GALC: variants seen among roughly 807,000 people sequenced by gnomAD.
GALC encodes the protein galactocerebrosidase.
In GALC, 77 loss-of-function variants were observed where a neutral mutation model predicts 91.8. The observed-to-expected ratio is 0.84, with a 90% CI of 0.70 to 1.01. The LOEUF is 1.01. Among genes scored for constraint, GALC ranks in the 50% least tolerant of loss-of-function variants. GALC has a pLI of 0.00. For synonymous variants in GALC, 357 were observed against 306.7 expected, an observed-to-expected ratio of 1.16 and a Z score of -1.71; for missense variants, 882 against 855.9, an observed-to-expected ratio of 1.03 and a Z score of -0.38.
chr14:87,988,578 T>G (rs1887068379), intron 1 of GALC, 55 bp from the exon 2 acceptor site: 1 of 1,247,846 alleles, frequency 8.0e-7, no homozygotes, highest in Non-Finnish European at 1.2e-6. Context: ...CATGAATATC[T>G]GTCTACAGTG....
chr14:87,954,671 A>C lies in GALC; in HGVS notation c.1162-3923T>G, dbSNP rs1885446922. 4 of 1,567,602 alleles carry C rather than the reference A, an allele frequency of 2.6e-6. No individual in the cohort carries two copies. The South Asian group carries it at 3.3e-5, about 13-fold the overall frequency. Reference sequence around the variant, plus strand: ...TAAATGTTCAGGAGTGGTTCTAATTAAAGCCCAGATTTCAGAGCTGTCATT... The same window carrying C: ...TAAATGTTCAGGAGTGGTTCTAATTCAAGCCCAGATTTCAGAGCTGTCATT... On this transcript the variant is annotated intron_variant, in intron 10 of 16. Transcript: ENST00000261304.
At chr14:87,984,649 T>C (rs1886896454) in intron 4 of GALC, 116 bp from the exon 5 acceptor site, 1 of 996,750 alleles carries the variant, frequency 1.0e-6, no homozygotes, top group Non-Finnish European at 1.5e-6. Context: ...CCAATACAGA[T>C]CTGACTAAAG....
chr14:87,941,389 A>G lies in GALC; in HGVS notation c.1834+6T>C. 4 of 1,555,660 alleles carry G rather than the reference A, an allele frequency of 2.6e-6. No homozygotes were observed. Among genetic ancestry groups the G allele is most frequent in the Non-Finnish European group, 3.5e-6 (4 of 1,141,774 alleles). Reference sequence around the variant, plus strand: ...TATGCTATTAAAAAAAAAAAAAGTCAGTTACCTAAATCACCTGTAACCCTG... The same window carrying G: ...TATGCTATTAAAAAAAAAAAAAGTCGGTTACCTAAATCACCTGTAACCCTG... On this transcript the variant is annotated splice_donor_region_variant and intron_variant, in intron 15 of 16. Coordinates refer to ENST00000261304, the MANE Select transcript of GALC (RefSeq NM_000153.4).
intron 1 of GALC, 138 bp downstream of exon 1, chr14:87,992,832 G>A: frequency 1.4e-6 from 2 of 1,401,570 alleles, no homozygotes; most frequent in East Asian, 2.7e-5. Flanking sequence ...CCAACCGCCT[G>A]CTGACTGGCA....
chr14:87,990,993 C>T (rs1306855469), intron 1 of GALC, among the ~76,000 whole-genome samples: 3 of 152,132 alleles, frequency 2.0e-5, no homozygotes, highest in African/African-American at 7.2e-5. Flanking sequence ...AAGACATCAT[C>T]CTAAGTACTT....
At chr14:87,967,377 A>G (rs1043689063) in intron 8 of GALC, among the ~76,000 whole-genome samples, 3 of 152,158 alleles carry the variant, frequency 2.0e-5, no homozygotes, top group Non-Finnish European at 4.4e-5. Flanking sequence ...TCTGCCATGA[A>G]GATGCCTTAC....
Position 87,989,955 on chromosome 14 carries a change from C to T in GALC, c.196-1432G>A, listed in dbSNP as rs1274715203. Among the ~76,000 whole-genome samples the T allele has an allele frequency of 2.6e-5, 4 of 152,124 alleles. No homozygotes were observed. The South Asian group carries it at 6.2e-4, about 24-fold the overall frequency. On this transcript the variant is annotated intron_variant, in intron 1 of 16. Coordinates refer to ENST00000261304, the MANE Select transcript of GALC (RefSeq NM_000153.4). Reference sequence around the variant, plus strand: ...CCTTCTACCTAGATGTATCAAACAACGTTTTCTATTCTTATGCCTGGAATG... The same window carrying T: ...CCTTCTACCTAGATGTATCAAACAATGTTTTCTATTCTTATGCCTGGAATG...
chr14:87,963,296 A>T, intron 10 of GALC, 88 bp downstream of exon 10: 2 of 1,381,052 alleles, frequency 1.4e-6, no homozygotes, highest in South Asian at 1.2e-5. Flanking sequence ...TTATGTATTT[A>T]CATGTAAAAC....
intron 16 of GALC, among the ~76,000 whole-genome samples, chr14:87,936,454 T>A (rs900529859): frequency 1.3e-5 from 2 of 151,802 alleles, no homozygotes; most frequent in African/African-American, 4.8e-5. Context: ...TGTCTATGGC[T>A]TTTTTACTCA....
At position 87,933,107 on chromosome 14, in the gene GALC, T is replaced by G. The variant is rs188934153; in HGVS notation, c.*1625A>C. ...CATACAATGGAAAACTCTTCAGAAA[T>G]AAGAAGGAACAAACCACTGAATCAC... On this transcript the variant is annotated 3_prime_UTR_variant, in exon 17 of 17. Transcript: ENST00000261304. The G allele has an allele frequency of 1.3e-5, 2 of 152,162 alleles. No homozygotes were observed. The highest frequency in any genetic ancestry group is 1.3e-4 in the Admixed American group (2 of 15,262). The allele number at this position is 152,162 out of a possible 1,614,324, so 9.4% of individuals were successfully genotyped here. A position where few individuals can be genotyped will look rare whatever the true frequency, so the allele number is the denominator to read the frequency against.
rs772338291 is a variant in GALC, at chr14:87,984,433, G to A, written c.543C>T (p.Gly181=). Residue 181 remains glycine, a synonymous_variant, in exon 5 of 17, where the codon GGC becomes GGT. Coordinates refer to ENST00000261304, the MANE Select transcript of GALC (RefSeq NM_000153.4). ...TAYYVVTWIV[G]AKRYHDLDID... ...TGTCCAAATCATGGTAACGCTTGGC[G>A]CCCACAATCCAGGTCACGACATAAT... 2.1e-5 allele frequency: 34 copies of A among 1,613,714 alleles called. No individual in the cohort carries two copies. The highest frequency in any genetic ancestry group is 6.7e-5 in the African/African-American group (5 of 74,852).
intron 10 of GALC, chr14:87,954,846 T>C: frequency 1.2e-6 from 2 of 1,606,262 alleles, no homozygotes; most frequent in Middle Eastern, 1.7e-4. Flanking sequence ...ACAAACAATG[T>C]TTTAGCTGCT....
At chr14:87,949,331 C>T (rs1212602735) in intron 12 of GALC, among the ~76,000 whole-genome samples, 1 of 151,878 alleles carries the variant, frequency 6.6e-6, no homozygotes, top group Non-Finnish European at 1.5e-5. Context: ...ATAATGAGGG[C>T]CATGTGCTAC....
rs1241906070 is a variant in GALC at position 87,941,215 on chromosome 14, AG to A, written c.1834+179del. On this transcript the variant is annotated intron_variant, in intron 15 of 16. Coordinates refer to ENST00000261304, the MANE Select transcript of GALC (RefSeq NM_000153.4). ...CTTCCACAGAGCTGCCCCCATCTCT[AG>A]GAATTAAATAACTTTCTATAATTGT... Among the ~76,000 whole-genome samples the A allele has an allele frequency of 5.3e-5, 8 of 151,932 alleles. No homozygotes were observed. The East Asian group carries it at 1.6e-3, about 29-fold the overall frequency.
chr14:87,967,934 C>T (rs778515082), intron 8 of GALC, among the ~76,000 whole-genome samples: 2 of 152,148 alleles, frequency 1.3e-5, no homozygotes, highest in Non-Finnish European at 2.9e-5. Context: ...ATTAAAAACA[C>T]TCTCATGTAT....
At chr14:87,940,934 A>C (rs1289852300) in intron 15 of GALC, among the ~76,000 whole-genome samples, 1 of 151,960 alleles carries the variant, frequency 6.6e-6, no homozygotes, top group Admixed American at 6.6e-5. Context: ...GACTGAGAAA[A>C]GTCAAGCTAT....
chr14:87,953,467 C>G lies in GALC; in HGVS notation c.1162-2719G>C, dbSNP rs544542584. Reference sequence around the variant, plus strand: ...TCCTAAAACAGAAAATAGCCACATTCACATAAACTCTGACAAAGGTCCTGA... The same window carrying G: ...TCCTAAAACAGAAAATAGCCACATTGACATAAACTCTGACAAAGGTCCTGA... On this transcript the variant is annotated intron_variant, in intron 10 of 16. Transcript: ENST00000261304. The G allele has an allele frequency of 8.9e-6, 14 of 1,571,236 alleles. No individual in the cohort carries two copies. In the Admixed American group the frequency reaches 1.7e-4, roughly 19 times the overall value.
rs1034481953 is a variant in GALC, at chr14:87,933,434, A to G, written c.*1298T>C. Reference sequence around the variant, plus strand: ...TTAAAGTAGGAACATTTTATTGTAAATAAATTACACCTCTATAATGTTCGT... The same window carrying G: ...TTAAAGTAGGAACATTTTATTGTAAGTAAATTACACCTCTATAATGTTCGT... On this transcript the variant is annotated 3_prime_UTR_variant, in exon 17 of 17. Coordinates refer to ENST00000261304, the MANE Select transcript of GALC (RefSeq NM_000153.4). 5.2e-5 allele frequency: 8 copies of G among 152,630 alleles called. No homozygotes were observed. Among genetic ancestry groups the G allele is most frequent in the African/African-American group, 1.9e-4 (8 of 41,452 alleles). 9.5% of individuals were successfully genotyped at this position (152,630 alleles called of 1,614,324 possible).
At chr14:87,974,344 A>T (rs1222676467) in intron 7 of GALC, among the ~76,000 whole-genome samples, 1 of 152,218 alleles carries the variant, frequency 6.6e-6, no homozygotes, top group African/African-American at 2.4e-5. Flanking sequence ...GCTTTAAACG[A>T]GACAAAGAAT....
Sources: gnomAD v4.1 joint callset for allele counts (sites outside exome capture counted in the v4.1 genomes callset) on GRCh38, gnomAD v4.1.1 for gene constraint, MANE v1.5 for transcripts, NCBI Gene and HGNC (gene_info 2026-07-23, HGNC 2026-07-21) for gene names.